ZNF577: variants seen among roughly 807,000 people sequenced by gnomAD.
ZNF577 encodes zinc finger protein 577.
Under a neutral mutation model 13.9 loss-of-function variants are expected in ZNF577, and 14 were observed. The observed-to-expected ratio is 1.00, with a 90% CI of 0.66 to 1.57. The LOEUF is 1.57. Ranked by LOEUF, ZNF577 falls within the 40% of genes most tolerant of loss-of-function variation. ZNF577 has a pLI of 0.00. For synonymous variants in ZNF577, 203 were observed against 202.9 expected, an observed-to-expected ratio of 1.00 and a Z score of 0.00; for missense variants, 555 against 579.2, an observed-to-expected ratio of 0.96 and a Z score of 0.43.
At chr19:51,858,417 T>C (rs1429183282) in intron 5 of ZNF577, among the ~76,000 whole-genome samples, 2 of 152,166 alleles carry the variant, frequency 1.3e-5, no homozygotes, top group African/African-American at 4.8e-5. Flanking sequence ...TAGGAGGTTG[T>C]CAGAACATAT....
chr19:51,820,808 C>T (rs1317375765), intron 9 of ZNF577, among the ~76,000 whole-genome samples: 1 of 152,140 alleles, frequency 6.6e-6, no homozygotes, highest in Non-Finnish European at 1.5e-5. Context: ...AGTCAACTTC[C>T]TCATGTGTAC....
intron 9 of ZNF577, among the ~76,000 whole-genome samples, chr19:51,836,681 A>G (rs1053790917): frequency 6.6e-6 from 1 of 152,216 alleles, no homozygotes; most frequent in African/African-American, 2.4e-5. Context: ...ACACTATAGC[A>G]TATCTGTATG....
intron 9 of ZNF577, among the ~76,000 whole-genome samples, chr19:51,822,845 G>C (rs2122493621): frequency 6.6e-6 from 1 of 152,132 alleles, no homozygotes; most frequent in Non-Finnish European, 1.5e-5. Flanking sequence ...AGAATCTATA[G>C]GATGTAATAT....
chr19:51,846,105 C>A (rs73568144), intron 5 of ZNF577, among the ~76,000 whole-genome samples: 11,063 of 152,064 alleles, frequency 0.073, 1,200 homozygotes, highest in African/African-American at 0.24. Flanking sequence ...CCCCAACCTC[C>A]CAAGCTCAAG....
intron 4 of ZNF577, 32 bp downstream of exon 4, chr19:51,878,354 AAAG>A: frequency 6.2e-7 from 1 of 1,608,408 alleles, no homozygotes; most frequent in Non-Finnish European, 8.5e-7. Flanking sequence ...ACCAAATAAG[AAAG>A]AAAAGGTAAG....
intron 9 of ZNF577, among the ~76,000 whole-genome samples, chr19:51,822,788 C>A (rs779698442): frequency 6.6e-6 from 1 of 152,076 alleles, no homozygotes; most frequent in Non-Finnish European, 1.5e-5. Flanking sequence ...GAAAAGCAGA[C>A]GGGAGAAAGT....
downstream of ZNF577, among the ~76,000 whole-genome samples, chr19:51,864,550 T>A (rs1469086563): frequency 2.0e-5 from 3 of 151,904 alleles, no homozygotes; most frequent in Non-Finnish European, 2.9e-5. Context: ...GAAGCTTGAG[T>A]GAAAATAACT....
At chr19:51,842,692 T>G (rs1294436430) in intron 8 of ZNF577, 1 of 152,226 alleles carries the variant, frequency 6.6e-6, no homozygotes, top group Non-Finnish European at 1.5e-5. Context: ...TCTTTTCACT[T>G]ATACTCTAAG....
intron 10 of ZNF577, among the ~76,000 whole-genome samples, chr19:51,808,549 T>G (rs1345376186): frequency 2.0e-5 from 3 of 152,236 alleles, no homozygotes; most frequent in African/African-American, 4.8e-5. Flanking sequence ...CTGTTAAGCA[T>G]GCCTTGGGGT....
At chr19:51,840,197 C>A (rs2084312929) in intron 8 of ZNF577, 1 of 152,238 alleles carries the variant, frequency 6.6e-6, no homozygotes, top group South Asian at 2.1e-4. Context: ...CAGCGTTGTG[C>A]ATTCTCAGGA....
Position 51,872,713 on chromosome 19 carries a change from AACAAT to A in ZNF577, c.1272_1276del (p.Leu425LysfsTer4). On this transcript the variant is annotated frameshift_variant, in exon 6 of 6. Transcript: ENST00000638348. LOFTEE classifies it low-confidence loss of function (END_TRUNC). ...GCCCACTAGGCGCTCACTCTTGTTT[AACAAT>A]GGCGGGGTTCCTGAGGAAGGCATTT... 1 of 1,614,202 alleles carries A rather than the reference AACAAT, an allele frequency of 6.2e-7. No individual in the cohort carries two copies. Among genetic ancestry groups the A allele is most frequent in the Non-Finnish European group, 8.5e-7 (1 of 1,180,032 alleles).
intron 1 of ZNF577, among the ~76,000 whole-genome samples, chr19:51,883,035 C>T (rs556067737): frequency 6.7e-6 from 1 of 149,484 alleles, no homozygotes; most frequent in Non-Finnish European, 1.5e-5. Flanking sequence ...CAATCTGTCG[C>T]CAGGCTAGAG....
intron 5 of ZNF577, among the ~76,000 whole-genome samples, chr19:51,845,893 C>G (rs2122552193): frequency 6.6e-6 from 1 of 152,308 alleles, no homozygotes; most frequent in African/African-American, 2.4e-5. Flanking sequence ...GGTTGATTAC[C>G]TCTCTTGGCT....
At chr19:51,809,929 C>T (rs1019755380) in intron 10 of ZNF577, among the ~76,000 whole-genome samples, 1 of 152,128 alleles carries the variant, frequency 6.6e-6, no homozygotes, top group South Asian at 2.1e-4. Flanking sequence ...GCCCCCATCT[C>T]ATTTCCCAGC....
At chr19:51,821,417 C>T (rs1212346674) in intron 9 of ZNF577, among the ~76,000 whole-genome samples, 2 of 152,110 alleles carry the variant, frequency 1.3e-5, no homozygotes, top group Non-Finnish European at 2.9e-5. Context: ...CTACTAGCAT[C>T]GGTGGATAGA....
Position 51,886,944 on chromosome 19 carries a change from T to C in ZNF577, c.-342A>G, listed in dbSNP as rs1306735247. The C allele has an allele frequency of 2.0e-5, 3 of 152,196 alleles. No individual in the cohort carries two copies. Among genetic ancestry groups the C allele is most frequent in the Admixed American group, 6.5e-5 (1 of 15,280 alleles). 9.4% of individuals were successfully genotyped at this position (152,196 alleles called of 1,614,324 possible). A position where few individuals can be genotyped will look rare whatever the true frequency, so the allele number is the denominator to read the frequency against. On this transcript the variant is annotated 5_prime_UTR_variant, in exon 1 of 6. Coordinates refer to ENST00000638348, the MANE Select transcript of ZNF577 (RefSeq NM_001370449.1). ...AAAAGACGTCAATTTATAAGTTATA[T>C]GTAATGACATGAGTACAATGAAGTG...
At chr19:51,850,339 A>G (rs545349240) in intron 5 of ZNF577, among the ~76,000 whole-genome samples, 3 of 152,386 alleles carry the variant, frequency 2.0e-5, no homozygotes, top group Admixed American at 1.3e-4. Flanking sequence ...GTGGATAGTC[A>G]ATCACGTCTA....
intron 9 of ZNF577, among the ~76,000 whole-genome samples, chr19:51,820,231 G>A (rs956470527): frequency 6.6e-6 from 1 of 152,136 alleles, no homozygotes; most frequent in Non-Finnish European, 1.5e-5. Flanking sequence ...AGGAAGTGCC[G>A]AGTTTCCATT....
chr19:51,851,819 C>A (rs375026770), intron 5 of ZNF577, among the ~76,000 whole-genome samples: 1 of 152,202 alleles, frequency 6.6e-6, no homozygotes, highest in Non-Finnish European at 1.5e-5. Flanking sequence ...ACAACCCTTA[C>A]GTCTGTCATT....
Sources: gnomAD v4.1 joint callset for allele counts (sites outside exome capture counted in the v4.1 genomes callset) on GRCh38, gnomAD v4.1.1 for gene constraint, MANE v1.5 for transcripts, NCBI Gene and HGNC (gene_info 2026-07-23, HGNC 2026-07-21) for gene names.